Variants in DCAF17 observed in about 807,000 individuals in gnomAD.
DCAF17 encodes the protein DDB1 and CUL4 associated factor 17, also known as DDB1- and CUL4-associated factor 17.
DCAF17 carries 48 observed loss-of-function variants against 66.0 expected under a neutral mutation model. That is an observed-to-expected ratio of 0.73 (90% CI 0.58 to 0.92). DCAF17 has a LOEUF of 0.92. DCAF17 is among the 40% of genes least tolerant of loss of function. The probability of loss-of-function intolerance (pLI) is 0.00; values close to 1 mark genes in which losing one functional copy is unlikely to be tolerated. For synonymous variants in DCAF17, 206 were observed against 214.6 expected, an observed-to-expected ratio of 0.96 and a Z score of 0.35; for missense variants, 562 against 622.8, an observed-to-expected ratio of 0.90 and a Z score of 1.04.
At chr2:171,474,017 T>G in intron 10 of DCAF17, 42 bp downstream of exon 10, 1 of 1,524,724 alleles carries the variant, frequency 6.6e-7, no homozygotes, top group Non-Finnish European at 9.1e-7. Context: ...GAGCAGCTTT[T>G]GGTAGCATTT....
rs952313198 is a variant in DCAF17 at position 171,484,459 on chromosome 2, T to G, written c.*3345T>G. On this transcript the variant is annotated 3_prime_UTR_variant, in exon 14 of 14. Coordinates refer to ENST00000375255, the MANE Select transcript of DCAF17 (RefSeq NM_025000.4). Reference sequence around the variant, plus strand: ...ATTCTACATCTTACTCTACTTGTTTTATTATTTTCCTATCCAGCGTACTTT... The same window carrying G: ...ATTCTACATCTTACTCTACTTGTTTGATTATTTTCCTATCCAGCGTACTTT... The G allele has an allele frequency of 9.3e-6, 4 of 430,808 alleles. 1 individual carries two copies. Among genetic ancestry groups the G allele is most frequent in the South Asian group, 6.8e-5 (4 of 58,696 alleles). 26.7% of individuals were successfully genotyped at this position (430,808 alleles called of 1,614,324 possible). A position where few individuals can be genotyped will look rare whatever the true frequency, so the allele number is the denominator to read the frequency against.
rs1048720788 is a variant in DCAF17, at chr2:171,434,562, C to T, written c.-16C>T. The T allele has an allele frequency of 3.9e-6, 6 of 1,525,330 alleles. No homozygotes were observed. The African/African-American group carries it at 6.9e-5, about 18-fold the overall frequency. The allele number at this position is 1,525,330 out of a possible 1,614,324, so 94.5% of individuals were successfully genotyped here. On this transcript the variant is annotated 5_prime_UTR_variant, in exon 1 of 14. Transcript: ENST00000375255. The stretch of plus-strand genomic sequence containing the variant: ...ACTCGGCGGCCCAGCCTACCCAGGG[C>T]CCGGCCCGCGCCTCCATGGGCCCGA...
intron 5 of DCAF17, among the ~76,000 whole-genome samples, chr2:171,451,788 A>G (rs1345118137): frequency 6.6e-6 from 1 of 152,082 alleles, no homozygotes. Flanking sequence ...GTTGGCCAGC[A>G]TGGTCTCGAT....
chr2:171,466,115 T>C lies in DCAF17; in HGVS notation c.839-2773T>C, dbSNP rs1237659303. On this transcript the variant is annotated intron_variant, in intron 8 of 13. Transcript: ENST00000375255. ...CTGGGCTCAAGCAATCCACCCACCTTGGCTTCCTGCAGTGTTGGGATTACA... is the reference window on the plus strand; with the variant it reads ...CTGGGCTCAAGCAATCCACCCACCTCGGCTTCCTGCAGTGTTGGGATTACA... Among the ~76,000 whole-genome samples the C allele has an allele frequency of 2.0e-5, 3 of 152,104 alleles. No homozygotes were observed. The East Asian group carries it at 5.8e-4, about 29-fold the overall frequency.
intron 12 of DCAF17, among the ~76,000 whole-genome samples, chr2:171,478,552 A>G (rs1190993393): frequency 6.6e-6 from 1 of 152,260 alleles, no homozygotes; most frequent in African/African-American, 2.4e-5. Flanking sequence ...TTTATGAGTC[A>G]CTGAAGTAAT....
chr2:171,443,561 A>G lies in DCAF17; in HGVS notation c.269A>G (p.Lys90Arg). The change falls in exon 3 of 14, where the codon AAA becomes AGA. Residue 90 changes from lysine (K) to arginine (R), a missense_variant. Physicochemically the swap from Lys to Arg is conservative, Grantham distance 26. Transcript: ENST00000375255. ...CCAAGAAAACTTTATGAAATGCCAAAATGTTCCAAATCAGAAAAAATAGAG... is the reference window on the plus strand; with the variant it reads ...CCAAGAAAACTTTATGAAATGCCAAGATGTTCCAAATCAGAAAAAATAGAG... ...SEPRKLYEMP[K>R]CSKSEKIEDA... The G allele has an allele frequency of 6.2e-7, 1 of 1,613,158 alleles. No individual in the cohort carries two copies. The highest frequency in any genetic ancestry group is 8.5e-7 in the Non-Finnish European group (1 of 1,179,500).
intron 8 of DCAF17, among the ~76,000 whole-genome samples, chr2:171,461,289 AC>A (rs1695571842): frequency 6.6e-6 from 1 of 152,092 alleles, no homozygotes; most frequent in Non-Finnish European, 1.5e-5. Context: ...TACCAAAAAT[AC>A]AAAAAATTAG....
intron 2 of DCAF17, among the ~76,000 whole-genome samples, chr2:171,439,728 C>G (rs62183492): frequency 0.22 from 32,696 of 151,518 alleles, 3,653 homozygotes; most frequent in South Asian, 0.28. Flanking sequence ...AGGAGTTCGA[C>G]ACCAGCCTGG....
In DCAF17 at chr2:171,442,563, CAAAAAAAAAA is replaced by C. The variant is rs1176443561; in HGVS notation, c.231-949_231-940del. Among the ~76,000 whole-genome samples the C allele has an allele frequency of 1.3e-4, 8 of 60,634 alleles. No individual in the cohort carries two copies. In the South Asian group the frequency reaches 4.6e-3, roughly 35 times the overall value. 39.8% of individuals were successfully genotyped at this position (60,634 alleles called of 152,430 possible). ...TGGGAGACAGAGTGAGACTCCATCT[CAAAAAAAAAA>C]AAAAAAAAAAGAAAGAAAGAAAAGC... On this transcript the variant is annotated intron_variant, in intron 2 of 13. Transcript: ENST00000375255.
chr2:171,448,957 C>A, intron 4 of DCAF17, 140 bp downstream of exon 4: 1 of 728,354 alleles, frequency 1.4e-6, no homozygotes, highest in East Asian at 2.7e-5. Context: ...TTCTTTTTCT[C>A]CCCTCATGAC....
At chr2:171,439,725 C>T (rs1344723147) in intron 2 of DCAF17, among the ~76,000 whole-genome samples, 2 of 151,540 alleles carry the variant, frequency 1.3e-5, no homozygotes, top group East Asian at 1.9e-4. Context: ...GCTAGGAGTT[C>T]GACACCAGCC....
In DCAF17 at chr2:171,478,277, G is replaced by T. The variant is rs150267939; in HGVS notation, c.1266+207G>T. On this transcript the variant is annotated intron_variant, in intron 12 of 13. Coordinates refer to ENST00000375255, the MANE Select transcript of DCAF17 (RefSeq NM_025000.4). ...TGTAATTATTCTTAAAGTTTTATTTGCAGAAAAGTTGATAGGACCAAAATA... is the reference window on the plus strand; with the variant it reads ...TGTAATTATTCTTAAAGTTTTATTTTCAGAAAAGTTGATAGGACCAAAATA... Among the ~76,000 whole-genome samples, 227 of 152,216 alleles carry T rather than the reference G, an allele frequency of 1.5e-3. 4 individuals are homozygous for T. In the East Asian group the frequency reaches 0.016, roughly 11 times the overall value.
intron 6 of DCAF17, among the ~76,000 whole-genome samples, chr2:171,456,393 G>T (rs1170955271): frequency 6.6e-6 from 1 of 152,126 alleles, no homozygotes; most frequent in African/African-American, 2.4e-5. Flanking sequence ...TGCTGTTTTG[G>T]TTACTGTAGC....
chr2:171,448,991 A>T (rs2105751395), intron 4 of DCAF17, among the ~76,000 whole-genome samples, 174 bp downstream of exon 4: 1 of 151,986 alleles, frequency 6.6e-6, no homozygotes, highest in South Asian at 2.1e-4. Context: ...CTGAGTATAG[A>T]GACCCTCTAT....
chr2:171,449,805 A>G, intron 4 of DCAF17, 74 bp from the exon 5 acceptor site: 1 of 910,574 alleles, frequency 1.1e-6, no homozygotes, highest in Non-Finnish European at 1.6e-6. Flanking sequence ...GTTTACTTAT[A>G]AAATATAATA....
rs550776802 is a variant in DCAF17 at position 171,439,076 on chromosome 2, A to G, written c.230+3890A>G. 3.4e-3 allele frequency among the ~76,000 whole-genome samples: 511 copies of G among 151,990 alleles called. 6 individuals are homozygous for G. Among genetic ancestry groups the G allele is most frequent in the African/African-American group, 0.012 (480 of 41,446 alleles). On this transcript the variant is annotated intron_variant, in intron 2 of 13. Transcript: ENST00000375255. ...TTGCTCTTATGCTCTCTGAAGAGAAATCCAAATTAATTCTTATTGTTCCCC... is the reference window on the plus strand; with the variant it reads ...TTGCTCTTATGCTCTCTGAAGAGAAGTCCAAATTAATTCTTATTGTTCCCC...
At position 171,482,554 on chromosome 2, in the gene DCAF17, C is replaced by T; in HGVS notation, c.*1440C>T. Reference sequence around the variant, plus strand: ...CAGTGAAAGTACTAAAGAAAGAAACCAATGTTGTGTGAGTTTCAAAGCAGC... The same window carrying T: ...CAGTGAAAGTACTAAAGAAAGAAACTAATGTTGTGTGAGTTTCAAAGCAGC... On this transcript the variant is annotated 3_prime_UTR_variant, in exon 14 of 14. Coordinates refer to ENST00000375255, the MANE Select transcript of DCAF17 (RefSeq NM_025000.4). 2.2e-6 allele frequency: 1 copy of T among 453,912 alleles called. No individual in the cohort carries two copies. Among genetic ancestry groups the T allele is most frequent in the South Asian group, 1.6e-5 (1 of 64,462 alleles). The allele number at this position is 453,912 out of a possible 1,614,324, so 28.1% of individuals were successfully genotyped here. A position where few individuals can be genotyped will look rare whatever the true frequency, so the allele number is the denominator to read the frequency against.
intron 3 of DCAF17, 115 bp downstream of exon 3, chr2:171,443,728 T>C (rs1694451462): frequency 1.3e-6 from 1 of 796,958 alleles, no homozygotes; most frequent in East Asian, 2.7e-5. Flanking sequence ...GACTCTTGCA[T>C]CTTTAAAGCA....
At chr2:171,465,448 T>C (rs924738225) in intron 8 of DCAF17, among the ~76,000 whole-genome samples, 1 of 152,160 alleles carries the variant, frequency 6.6e-6, no homozygotes, top group African/African-American at 2.4e-5. Flanking sequence ...GTGTATATAG[T>C]TGAAAGGTTG....
Sources: gnomAD v4.1 joint callset for allele counts (sites outside exome capture counted in the v4.1 genomes callset) on GRCh38, gnomAD v4.1.1 for gene constraint, MANE v1.5 for transcripts, NCBI Gene and HGNC (gene_info 2026-07-23, HGNC 2026-07-21) for gene names.